The following RGS6 variants were observed in gnomAD, a reference collection of about 807,000 sequenced individuals.
RGS6 encodes the protein regulator of G-protein signaling 6.
A neutral mutation model predicts 78.5 loss-of-function variants in RGS6; 30 were observed. The ratio of observed to expected loss-of-function variants is 0.38; its 90% CI spans 0.29 to 0.52. The LOEUF is 0.52. Among genes scored for constraint, RGS6 ranks in the 20% least tolerant of loss-of-function variants. RGS6 has a pLI of 0.85. For missense variants in RGS6, 495 were observed against 609.7 expected, an observed-to-expected ratio of 0.81 and a Z score of 1.98; for synonymous variants, 206 against 206.0, an observed-to-expected ratio of 1.00 and a Z score of 0.00.
At chr14:72,433,928 C>T (rs927371071) in intron 3 of RGS6, among the ~76,000 whole-genome samples, 4 of 152,226 alleles carry the variant, frequency 2.6e-5, no homozygotes, top group Non-Finnish European at 4.4e-5. Flanking sequence ...ATAGTAAGCC[C>T]TATGTAAATG....
the RGS6 span, among the ~76,000 whole-genome samples, chr14:71,906,168 G>A: frequency 5.3e-5 from 8 of 152,210 alleles, no homozygotes; most frequent in African/African-American, 1.4e-4. Context: ...AGATCTCTGC[G>A]TATCCTCGCA....
At chr14:71,924,093 GGA>G in the RGS6 span, among the ~76,000 whole-genome samples, 2 of 152,186 alleles carry the variant, frequency 1.3e-5, no homozygotes, top group African/African-American at 4.8e-5. Flanking sequence ...TGCCCAGGCT[GGA>G]GTGCAGTGGT....
intron 2 of RGS6, among the ~76,000 whole-genome samples, chr14:72,328,695 C>T (rs1332456122): frequency 6.6e-6 from 1 of 152,148 alleles, no homozygotes; most frequent in Non-Finnish European, 1.5e-5. Flanking sequence ...CCCAAACCAA[C>T]AGAGTCCTCT....
At chr14:72,020,008 G>A (rs1262801341) in intron 2 of RGS6, among the ~76,000 whole-genome samples, 1 of 152,214 alleles carries the variant, frequency 6.6e-6, no homozygotes, top group East Asian at 1.9e-4. Flanking sequence ...TCGGGGAGAG[G>A]TTGAGAAGTG....
chr14:72,365,565 T>G (rs1035588036), intron 3 of RGS6, among the ~76,000 whole-genome samples: 3 of 152,118 alleles, frequency 2.0e-5, no homozygotes, highest in Admixed American at 6.6e-5. Flanking sequence ...TCTCACAAAT[T>G]AAATTTGTTT....
intron 2 of RGS6, among the ~76,000 whole-genome samples, chr14:72,179,947 C>A (rs957796451): frequency 1.3e-5 from 2 of 152,184 alleles, no homozygotes; most frequent in Non-Finnish European, 2.9e-5. Flanking sequence ...CACAACAAAT[C>A]CAACAGCACT....
At chr14:72,577,797 G>C in the RGS6 span, among the ~76,000 whole-genome samples, 14 of 152,324 alleles carry the variant, frequency 9.2e-5, no homozygotes, top group African/African-American at 2.9e-4. Context: ...ACATCTGAGA[G>C]ACACAGGAGG....
intron 2 of RGS6, among the ~76,000 whole-genome samples, chr14:72,243,141 C>T (rs1318780649): frequency 6.6e-6 from 1 of 152,166 alleles, no homozygotes; most frequent in Non-Finnish European, 1.5e-5. Context: ...TGAGCCACTG[C>T]ACCCGGCCTT....
chr14:72,365,289 G>A (rs1021302926), intron 3 of RGS6, among the ~76,000 whole-genome samples: 3 of 152,294 alleles, frequency 2.0e-5, no homozygotes, highest in African/African-American at 7.2e-5. Context: ...ATAATTTATG[G>A]GTACTGAGGA....
chr14:71,894,384 A>G, the RGS6 span, among the ~76,000 whole-genome samples: 1 of 152,228 alleles, frequency 6.6e-6, no homozygotes, highest in Non-Finnish European at 1.5e-5. Context: ...AAAGTATAGT[A>G]ATTAAGAAAA....
rs562865292 is a variant in RGS6 at position 72,453,931 on chromosome 14, G to A, written c.185-597G>A. ...GAGTTTTTATGGTCCAGGTCTGGAA[G>A]TGGCATATGCCATTTCTACCCATAT... On this transcript the variant is annotated intron_variant, in intron 3 of 17. Coordinates refer to ENST00000553525, the MANE Select transcript of RGS6 (RefSeq NM_001204424.2). 3.3e-5 allele frequency among the ~76,000 whole-genome samples: 5 copies of A among 152,350 alleles called. No individual in the cohort carries two copies. In the East Asian group the frequency reaches 9.7e-4, roughly 29 times the overall value.
At position 72,286,027 on chromosome 14, in the gene RGS6, C is replaced by T. The variant is rs575718321; in HGVS notation, c.85-66068C>T. 3.9e-5 allele frequency among the ~76,000 whole-genome samples: 6 copies of T among 152,266 alleles called. No homozygotes were observed. The East Asian group carries it at 1.2e-3, about 29-fold the overall frequency. Reference sequence around the variant, plus strand: ...AGCTTTTTAATTTGATGTAGTCCCACTTGCCTATTTTTGCTTTTGTTGCCT... The same window carrying T: ...AGCTTTTTAATTTGATGTAGTCCCATTTGCCTATTTTTGCTTTTGTTGCCT... On this transcript the variant is annotated intron_variant, in intron 2 of 17. Coordinates refer to ENST00000553525, the MANE Select transcript of RGS6 (RefSeq NM_001204424.2).
At chr14:72,584,778 A>G in the RGS6 span, among the ~76,000 whole-genome samples, 1 of 152,212 alleles carries the variant, frequency 6.6e-6, no homozygotes, top group Non-Finnish European at 1.5e-5. Context: ...TATCAGAAGG[A>G]TTCACACCAG....
At chr14:72,358,914 C>A (rs1453613975) in intron 3 of RGS6, among the ~76,000 whole-genome samples, 1 of 152,168 alleles carries the variant, frequency 6.6e-6, no homozygotes, top group East Asian at 1.9e-4. Flanking sequence ...TTCCCATAGT[C>A]CCCATGAGTC....
At chr14:72,063,684 A>G (rs570568750) in intron 2 of RGS6, among the ~76,000 whole-genome samples, 1 of 152,312 alleles carries the variant, frequency 6.6e-6, no homozygotes, top group South Asian at 2.1e-4. Flanking sequence ...TAAGTAGGCA[A>G]GAGGGGATGG....
At chr14:72,222,408 G>GC (rs1264036867) in intron 2 of RGS6, among the ~76,000 whole-genome samples, 4 of 152,180 alleles carry the variant, frequency 2.6e-5, no homozygotes, top group Non-Finnish European at 5.9e-5. Context: ...TTTTCTTCAT[G>GC]TAAGATTTCA....
the RGS6 span, among the ~76,000 whole-genome samples, chr14:71,883,888 C>T: frequency 7.1e-6 from 1 of 140,562 alleles, no homozygotes; most frequent in Non-Finnish European, 1.6e-5. Context: ...GAGAATTGCC[C>T]CCATCCTCCT....
intron 2 of RGS6, among the ~76,000 whole-genome samples, chr14:72,001,672 G>A (rs2083464296): frequency 6.6e-6 from 1 of 152,074 alleles, no homozygotes; most frequent in Non-Finnish European, 1.5e-5. Context: ...ACAATCATCT[G>A]AGTCTTGTAT....
chr14:72,343,643 C>G (rs1327443982), intron 2 of RGS6, among the ~76,000 whole-genome samples: 1 of 150,680 alleles, frequency 6.6e-6, no homozygotes, highest in African/African-American at 2.5e-5. Context: ...GTTTTCGTAT[C>G]TTCTTCCACT....
Sources: allele counts gnomAD v4.1 joint callset (sites outside exome capture counted in the v4.1 genomes callset), GRCh38; gene constraint gnomAD v4.1.1; transcripts MANE v1.5; gene names NCBI Gene and HGNC (gene_info 2026-07-23, HGNC 2026-07-21).